MSH3: variants seen among roughly 807,000 people sequenced by gnomAD.
MSH3 encodes the protein DNA mismatch repair protein Msh3.
A neutral mutation model predicts 123.3 loss-of-function variants in MSH3; 106 were observed. That is an observed-to-expected ratio of 0.86 (90% CI 0.73 to 1.01). The LOEUF (loss-of-function observed/expected upper bound fraction) is 1.01. Among genes scored for constraint, MSH3 ranks in the 50% least tolerant of loss-of-function variants. The pLI, the probability that MSH3 is intolerant of heterozygous loss-of-function variation, is 0.00. For missense variants in MSH3, 1,459 were observed against 1,347.6 expected (o/e 1.08, Z -1.29); for synonymous variants, 515 against 481.4 (o/e 1.07, Z -0.91).
At chr5:80,719,041 G>T (rs1751021088) in intron 8 of MSH3, among the ~76,000 whole-genome samples, 1 of 151,614 alleles carries the variant, frequency 6.6e-6, no homozygotes, top group Admixed American at 6.6e-5. Context: ...CTTTTAGTAG[G>T]AAATGGTATT....
rs372067567 is a variant in MSH3, at chr5:80,654,716, C to G, written c.-12C>G. ...CCAGGCCCTGCCGCCGGGCTGCCAT[C>G]CTTGCCCTGCCATGTCTCGCCGGAA... On this transcript the variant is annotated 5_prime_UTR_variant, in exon 1 of 24. The change creates a new upstream start codon in the 5' untranslated region. Coordinates refer to ENST00000265081, the MANE Select transcript of MSH3 (RefSeq NM_002439.5). The G allele has an allele frequency of 8.4e-5, 133 of 1,591,548 alleles. No homozygotes were observed. In the African/African-American group the frequency reaches 1.6e-3, roughly 19 times the overall value.
At chr5:80,843,263 C>T (rs190438221) in intron 20 of MSH3, among the ~76,000 whole-genome samples, 40 of 152,254 alleles carry the variant, frequency 2.6e-4, no homozygotes, top group African/African-American at 9.2e-4. Flanking sequence ...CTGACTTGAT[C>T]GTGGTGGATA....
intron 20 of MSH3, among the ~76,000 whole-genome samples, chr5:80,824,993 A>T (rs1745269120): frequency 6.6e-6 from 1 of 152,164 alleles, no homozygotes; most frequent in African/African-American, 2.4e-5. Context: ...ACTGGAAAGG[A>T]ATCTACATGG....
intron 8 of MSH3, among the ~76,000 whole-genome samples, chr5:80,694,421 T>G (rs1389169549): frequency 6.6e-6 from 1 of 152,148 alleles, no homozygotes; most frequent in East Asian, 1.9e-4. Flanking sequence ...TACCTCTGTC[T>G]ATGCTTCTTT....
chr5:80,857,933 C>G (rs1377614801), intron 21 of MSH3, among the ~76,000 whole-genome samples: 1 of 152,004 alleles, frequency 6.6e-6, no homozygotes, highest in Non-Finnish European at 1.5e-5. Flanking sequence ...CTTATTTTTG[C>G]TCTTCTCTTT....
intron 3 of MSH3, among the ~76,000 whole-genome samples, 172 bp downstream of exon 3, chr5:80,665,535 G>A (rs1280398584): frequency 2.0e-5 from 3 of 152,052 alleles, no homozygotes; most frequent in Non-Finnish European, 4.4e-5. Flanking sequence ...CTGGAGATTC[G>A]ATTTACTGTG....
intron 13 of MSH3, 36 bp from the exon 14 acceptor site, chr5:80,767,897 C>T (rs750820963): frequency 6.7e-7 from 1 of 1,484,916 alleles, no homozygotes; most frequent in Non-Finnish European, 9.4e-7. Context: ...TTTCATGTAT[C>T]TTATGCTATT....
chr5:80,864,480 G>A (rs1220625709), intron 21 of MSH3, among the ~76,000 whole-genome samples: 1 of 152,072 alleles, frequency 6.6e-6, no homozygotes, highest in East Asian at 1.9e-4. Flanking sequence ...TATTTATTGA[G>A]TGTAATAATT....
intron 8 of MSH3, among the ~76,000 whole-genome samples, chr5:80,693,079 A>G (rs1580566473): frequency 7.5e-6 from 1 of 133,606 alleles, no homozygotes; most frequent in Non-Finnish European, 1.6e-5. Context: ...GCACATGTAT[A>G]TGTTTATATA....
intron 20 of MSH3, among the ~76,000 whole-genome samples, chr5:80,850,297 T>C (rs1205502964): frequency 1.3e-5 from 2 of 152,202 alleles, no homozygotes; most frequent in African/African-American, 4.8e-5. Flanking sequence ...TCCAAACTGT[T>C]GCAACCTCTG....
chr5:80,817,876 A>G (rs898081814), intron 20 of MSH3, among the ~76,000 whole-genome samples: 1 of 152,172 alleles, frequency 6.6e-6, no homozygotes, highest in African/African-American at 2.4e-5. Flanking sequence ...ACATTAGGTA[A>G]AAGTTTGTGA....
At chr5:80,829,369 G>T (rs1392037072) in intron 20 of MSH3, among the ~76,000 whole-genome samples, 1 of 152,106 alleles carries the variant, frequency 6.6e-6, no homozygotes, top group African/African-American at 2.4e-5. Context: ...TTAGCTATAG[G>T]TTTTTTTGTG....
intron 8 of MSH3, among the ~76,000 whole-genome samples, chr5:80,698,456 T>TA (rs1453172401): frequency 6.6e-6 from 1 of 152,116 alleles, no homozygotes; most frequent in Non-Finnish European, 1.5e-5. Flanking sequence ...GAAAATATCT[T>TA]AGAGTTACTG....
chr5:80,855,873 C>CTTTTTTTTTTTTTT (rs5869058), intron 21 of MSH3: 7 of 107,134 alleles, frequency 6.5e-5, no homozygotes, highest in South Asian at 3.3e-4. Context: ...TCCTCCTCCT[C>CTTTTTTTTTTTTTT]TTTTTTTTTT....
At chr5:80,685,319 G>A (rs775600611) in intron 8 of MSH3, among the ~76,000 whole-genome samples, 1 of 150,516 alleles carries the variant, frequency 6.6e-6, no homozygotes, top group Non-Finnish European at 1.5e-5. Context: ...TTTGCTGGGA[G>A]ACTTTATTAT....
At chr5:80,743,017 T>G (rs1262426268) in intron 11 of MSH3, among the ~76,000 whole-genome samples, 2 of 152,156 alleles carry the variant, frequency 1.3e-5, no homozygotes, top group African/African-American at 2.4e-5. Flanking sequence ...AAGCTGAGAT[T>G]AACATCTTCT....
chr5:80,820,775 A>G (rs752162254), intron 20 of MSH3, among the ~76,000 whole-genome samples: 5 of 152,238 alleles, frequency 3.3e-5, no homozygotes, highest in Non-Finnish European at 5.9e-5. Context: ...GGTATGTGGC[A>G]GGATAAATTA....
intron 8 of MSH3, 80 bp downstream of exon 8, chr5:80,679,173 C>A: frequency 7.1e-7 from 1 of 1,415,874 alleles, no homozygotes; most frequent in Non-Finnish European, 9.9e-7. Flanking sequence ...ATTAAAGTTG[C>A]TAAAAATAGT....
intron 12 of MSH3, among the ~76,000 whole-genome samples, chr5:80,747,221 G>A (rs549977689): frequency 6.6e-6 from 1 of 152,198 alleles, no homozygotes; most frequent in Non-Finnish European, 1.5e-5. Flanking sequence ...AGCAGAAACA[G>A]ACTCACTAGC....
Sources: allele counts gnomAD v4.1 joint callset (sites outside exome capture counted in the v4.1 genomes callset), GRCh38; gene constraint gnomAD v4.1.1; transcripts MANE v1.5; gene names NCBI Gene and HGNC (gene_info 2026-07-23, HGNC 2026-07-21).